REEP1: variants seen among roughly 807,000 people sequenced by gnomAD.
REEP1 encodes the protein receptor accessory protein 1.
REEP1 carries 22 observed loss-of-function variants against 40.3 expected under a neutral mutation model. The ratio of observed to expected loss-of-function variants is 0.55; its 90% CI spans 0.39 to 0.78. REEP1 has a LOEUF of 0.78. Ranked by LOEUF, REEP1 falls within the 30% of genes least tolerant of loss-of-function variation. REEP1 has a pLI of 0.00. For synonymous variants in REEP1, 116 were observed against 139.2 expected, an observed-to-expected ratio of 0.83 and a Z score of 1.17; for missense variants, 280 against 361.1, an observed-to-expected ratio of 0.78 and a Z score of 1.82.
chr2:86,299,168 C>A (rs1679147123), intron 1 of REEP1, among the ~76,000 whole-genome samples: 1 of 152,252 alleles, frequency 6.6e-6, no homozygotes, highest in Non-Finnish European at 1.5e-5. Context: ...CCTGTCTACT[C>A]ATGCATTTCT....
rs771485330 is a variant in REEP1 at position 86,252,079 on chromosome 2, G to C, written c.304-9C>G. On this transcript the variant is annotated splice_polypyrimidine_tract_variant and intron_variant, in intron 4 of 8. Transcript: ENST00000538924. ...AGACAATCATCGATTTCCTGTCAAA[G>C]GAAAAACAGAGGCACACTGAGCTGG... The C allele has an allele frequency of 6.3e-6, 10 of 1,590,182 alleles. No individual in the cohort carries two copies. The East Asian group carries it at 1.6e-4, about 25-fold the overall frequency.
At chr2:86,300,904 A>G (rs76296439) in intron 1 of REEP1, among the ~76,000 whole-genome samples, 12,029 of 152,108 alleles carry the variant, frequency 0.079, 776 homozygotes, top group African/African-American at 0.17. Flanking sequence ...CCCTCTGATG[A>G]AAAATCATGC....
intron 1 of REEP1, among the ~76,000 whole-genome samples, chr2:86,330,051 G>C (rs1220811030): frequency 6.6e-6 from 1 of 152,110 alleles, no homozygotes; most frequent in Non-Finnish European, 1.5e-5. Context: ...GAATGGCATC[G>C]GTTCTTTGTA....
chr2:86,296,002 C>T (rs1450066357), intron 1 of REEP1, among the ~76,000 whole-genome samples: 1 of 151,472 alleles, frequency 6.6e-6, no homozygotes, highest in Non-Finnish European at 1.5e-5. Flanking sequence ...AAAGAGGTAG[C>T]TCTGAGCATG....
chr2:86,281,635 A>T (rs563943249), intron 2 of REEP1, among the ~76,000 whole-genome samples: 94 of 152,190 alleles, frequency 6.2e-4, no homozygotes, highest in Non-Finnish European at 5.7e-4. Context: ...CTCAAAAAAC[A>T]AAACTATGAA....
At chr2:86,222,895 C>G (rs1674501309) in intron 7 of REEP1, among the ~76,000 whole-genome samples, 1 of 152,214 alleles carries the variant, frequency 6.6e-6, no homozygotes. Context: ...CATGCTCTGC[C>G]TCCTCCATGT....
intron 2 of REEP1, among the ~76,000 whole-genome samples, chr2:86,280,650 G>A (rs770162580): frequency 6.6e-5 from 10 of 152,146 alleles, no homozygotes; most frequent in South Asian, 2.1e-4. Context: ...TATTTATAGC[G>A]TGCATTCTGA....
At chr2:86,217,381 A>G (rs1674173019) in intron 8 of REEP1, among the ~76,000 whole-genome samples, 1 of 152,140 alleles carries the variant, frequency 6.6e-6, no homozygotes, top group Admixed American at 6.5e-5. Flanking sequence ...GCAGAATGAC[A>G]CATCTTTCTT....
At chr2:86,275,678 G>A (rs1277984147) in intron 2 of REEP1, among the ~76,000 whole-genome samples, 1 of 152,176 alleles carries the variant, frequency 6.6e-6, no homozygotes, top group East Asian at 1.9e-4. Context: ...CACTGCCCAC[G>A]TTTCCCACTC....
In REEP1 at chr2:86,303,765, T is replaced by G. The variant is rs902917825; in HGVS notation, c.33-21523A>C. ...TGGTAGGTTCTGGAAGAAGGTAGGG[T>G]AGGGGAGGCATTTCAGGAGGGGAGA... On this transcript the variant is annotated intron_variant, in intron 1 of 8. Coordinates refer to ENST00000538924, the MANE Select transcript of REEP1 (RefSeq NM_001371279.1). Among the ~76,000 whole-genome samples the G allele has an allele frequency of 2.6e-5, 4 of 151,752 alleles. 1 individual carries two copies. Among genetic ancestry groups the G allele is most frequent in the Non-Finnish European group, 5.9e-5 (4 of 67,926 alleles).
At chr2:86,263,425 G>C (rs1392413447) in intron 3 of REEP1, among the ~76,000 whole-genome samples, 1 of 152,068 alleles carries the variant, frequency 6.6e-6, no homozygotes, top group Non-Finnish European at 1.5e-5. Flanking sequence ...TTTTAGCAGA[G>C]ATGGGGTTTC....
chr2:86,217,114 G>C lies in REEP1; in HGVS notation c.784-4C>G, dbSNP rs778272381. 18 of 1,613,448 alleles carry C rather than the reference G, an allele frequency of 1.1e-5. No homozygotes were observed. The Admixed American group carries it at 2.8e-4, about 25-fold the overall frequency. ...ATCGAAGGATTCTAGGCGGTGCCTG[G>C]TAGAGAAAACAGAAAGGTGTCCCTC... On this transcript the variant is annotated splice_region_variant and splice_polypyrimidine_tract_variant and intron_variant, in intron 8 of 8. Transcript: ENST00000538924.
intron 8 of REEP1, among the ~76,000 whole-genome samples, chr2:86,217,802 C>T (rs1017168362): frequency 2.0e-5 from 3 of 151,342 alleles, no homozygotes; most frequent in African/African-American, 7.3e-5. Context: ...CAAAGAATTT[C>T]AGATTTTTCG....
At chr2:86,274,695 T>C (rs1039011489) in intron 2 of REEP1, among the ~76,000 whole-genome samples, 3 of 152,232 alleles carry the variant, frequency 2.0e-5, no homozygotes, top group South Asian at 4.1e-4. Context: ...TCAGTCAGAA[T>C]AGAGAGAGGG....
chr2:86,292,838 G>A (rs1025324223), intron 1 of REEP1, among the ~76,000 whole-genome samples: 3 of 152,104 alleles, frequency 2.0e-5, no homozygotes, highest in Admixed American at 6.5e-5. Context: ...TGCCCTCCTC[G>A]CTCTCACACA....
chr2:86,246,401 T>C (rs1308617784), intron 5 of REEP1, among the ~76,000 whole-genome samples: 2 of 152,348 alleles, frequency 1.3e-5, no homozygotes, highest in East Asian at 1.9e-4. Context: ...CACAGAATGC[T>C]GGTTTTACTT....
intron 1 of REEP1, among the ~76,000 whole-genome samples, chr2:86,291,630 T>C (rs1678698481): frequency 6.6e-6 from 1 of 151,954 alleles, no homozygotes; most frequent in Admixed American, 6.6e-5. Flanking sequence ...TGGGATTACT[T>C]TCCCAGTTTA....
intron 2 of REEP1, among the ~76,000 whole-genome samples, chr2:86,265,557 T>G (rs1558899604): frequency 6.6e-6 from 1 of 151,152 alleles, no homozygotes; most frequent in African/African-American, 2.5e-5. Context: ...ATAAAGAAAA[T>G]GGGGTGTATA....
At chr2:86,270,233 G>T (rs556529219) in intron 2 of REEP1, among the ~76,000 whole-genome samples, 1 of 152,142 alleles carries the variant, frequency 6.6e-6, no homozygotes, top group Non-Finnish European at 1.5e-5. Context: ...TTTTGCTCTT[G>T]TTGCCCAGGC....
Sources: gnomAD v4.1 joint callset for allele counts (sites outside exome capture counted in the v4.1 genomes callset) on GRCh38, gnomAD v4.1.1 for gene constraint, MANE v1.5 for transcripts, NCBI Gene and HGNC (gene_info 2026-07-23, HGNC 2026-07-21) for gene names.